Variants in CADPS observed in about 807,000 individuals in gnomAD.
CADPS encodes the protein calcium dependent secretion activator, also known as calcium-dependent secretion activator 1.
Under a neutral mutation model 167.3 loss-of-function variants are expected in CADPS, and 57 were observed. The ratio of observed to expected loss-of-function variants is 0.34; its 90% CI spans 0.28 to 0.42. The LOEUF (loss-of-function observed/expected upper bound fraction) is 0.42. Among genes scored for constraint, CADPS ranks in the 20% least tolerant of loss-of-function variants. The pLI, the probability that CADPS is intolerant of heterozygous loss-of-function variation, is 1.00. For synonymous variants in CADPS, 676 were observed against 635.3 expected (o/e 1.06, Z -0.96); for missense variants, 1,414 against 1,738.1 (o/e 0.81, Z 3.32).
intron 6 of CADPS, among the ~76,000 whole-genome samples, chr3:62,630,168 T>A (rs2065017278): frequency 6.6e-6 from 1 of 152,194 alleles, no homozygotes; most frequent in Non-Finnish European, 1.5e-5. Flanking sequence ...ATACATATTT[T>A]TTTGTAAGCA....
At chr3:62,811,292 T>C (rs1323515003) in intron 1 of CADPS, among the ~76,000 whole-genome samples, 2 of 147,280 alleles carry the variant, frequency 1.4e-5, no homozygotes, top group African/African-American at 5.0e-5. Flanking sequence ...GCCAATCTTA[T>C]AAAAAAAAAA....
At chr3:62,758,088 A>T (rs546465449) in intron 2 of CADPS, among the ~76,000 whole-genome samples, 19 of 152,332 alleles carry the variant, frequency 1.2e-4, no homozygotes, top group African/African-American at 4.6e-4. Flanking sequence ...TGGGCATAGC[A>T]TCTGCTTCAC....
chr3:62,478,712 C>T lies in CADPS; in HGVS notation c.3174-296G>A, dbSNP rs2061612173. Among the ~76,000 whole-genome samples, 1 of 152,112 alleles carries T rather than the reference C, an allele frequency of 6.6e-6. No individual in the cohort carries two copies. Among genetic ancestry groups the T allele is most frequent in the South Asian group, 2.1e-4 (1 of 4,822 alleles). On this transcript the variant is annotated intron_variant, in intron 22 of 29. Transcript: ENST00000383710. The surrounding 1 kb of genome is among the most constrained non-coding windows in gnomAD (Gnocchi z 5.7). ...GTAAAAATCAGCCTTCTTTTAATAA[C>T]CACATTAACACATGTGATGATTCAG...
intron 26 of CADPS, among the ~76,000 whole-genome samples, chr3:62,456,690 T>C (rs1313049702): frequency 6.6e-6 from 1 of 151,616 alleles, no homozygotes; most frequent in Non-Finnish European, 1.5e-5. Flanking sequence ...GCACTTGGGA[T>C]ATACTCAGTG....
intron 9 of CADPS, among the ~76,000 whole-genome samples, chr3:62,567,971 T>C (rs151225146): frequency 1.3e-5 from 2 of 152,322 alleles, no homozygotes; most frequent in East Asian, 3.9e-4. Flanking sequence ...CCATTTCTCC[T>C]TCTGGTAATG....
At chr3:62,581,281 C>T (rs1370530969) in intron 8 of CADPS, among the ~76,000 whole-genome samples, 1 of 152,008 alleles carries the variant, frequency 6.6e-6, no homozygotes, top group Non-Finnish European at 1.5e-5. Flanking sequence ...GCTGGCATTC[C>T]CATTTTCTGA....
Position 62,873,617 on chromosome 3 carries a change from C to T in CADPS, c.441+972G>A, listed in dbSNP as rs1051561886. 9.1e-5 allele frequency among the ~76,000 whole-genome samples: 12 copies of T among 132,300 alleles called. No individual in the cohort carries two copies. The East Asian group carries it at 2.1e-3, about 24-fold the overall frequency. 86.8% of individuals were successfully genotyped at this position (132,300 alleles called of 152,430 possible). ...AAGAACAGCTGATAGAAATAGGCGCCTTTTTTTTTTTTTTTTTAACATCAA... is the reference window on the plus strand; with the variant it reads ...AAGAACAGCTGATAGAAATAGGCGCTTTTTTTTTTTTTTTTTTAACATCAA... On this transcript the variant is annotated intron_variant, in intron 1 of 29. Coordinates refer to ENST00000383710, the MANE Select transcript of CADPS (RefSeq NM_003716.4).
chr3:62,604,619 A>G (rs2060439287), intron 6 of CADPS, among the ~76,000 whole-genome samples: 1 of 152,266 alleles, frequency 6.6e-6, no homozygotes, highest in Non-Finnish European at 1.5e-5. Flanking sequence ...AGGCTAAATT[A>G]GAGAGATCAC....
In CADPS at chr3:62,874,152, C is replaced by T. The variant is rs1479266319; in HGVS notation, c.441+437G>A. Among the ~76,000 whole-genome samples, 1 of 152,156 alleles carries T rather than the reference C, an allele frequency of 6.6e-6. No individual in the cohort carries two copies. ...GCCCCCACCTGCCGTTGCCCCCGCC[C>T]GCCGAACGCACGCCCAGGAGGGCGG... is the stretch of plus-strand genomic sequence containing the variant. On this transcript the variant is annotated intron_variant, in intron 1 of 29. Transcript: ENST00000383710. This position sits in a 1 kb window ranked among gnomAD's most constrained non-coding sequence, Gnocchi z 7.1.
Position 62,858,062 on chromosome 3 carries a change from A to C in CADPS, c.441+16527T>G, listed in dbSNP as rs200988284. Among the ~76,000 whole-genome samples the C allele has an allele frequency of 3.3e-5, 5 of 152,318 alleles. No homozygotes were observed. The East Asian group carries it at 9.6e-4, about 29-fold the overall frequency. ...AAATCCCAGAATTCCTGTTCTAAAG[A>C]GAAATACAGCAGGAGGTCAACAAAT... On this transcript the variant is annotated intron_variant, in intron 1 of 29. Coordinates refer to ENST00000383710, the MANE Select transcript of CADPS (RefSeq NM_003716.4).
chr3:62,721,140 A>ATTTTTTTTTTTTTTT lies in CADPS; in HGVS notation c.888+32300_888+32301insAAAAAAAAAAAAAAA, dbSNP rs1564299964. Among the ~76,000 whole-genome samples, 197 of 77,532 alleles carry ATTTTTTTTTTTTTTT rather than the reference A, an allele frequency of 2.5e-3. 3 individuals carry two copies. The highest frequency in any genetic ancestry group is 0.014 in the South Asian group (28 of 2,054). The allele number at this position is 77,532 out of a possible 152,430, so 50.9% of individuals were successfully genotyped here. ...CAGGTTTTTTTTTTTTTTTTAAAAAAAAAAAGAAGAAAAAAGAAAAAGTAA... is the reference window on the plus strand; with the variant it reads ...CAGGTTTTTTTTTTTTTTTTAAAAAATTTTTTTTTTTTTTTAAAAAGAAGAAAAAAGAAAAAGTAA... On this transcript the variant is annotated intron_variant, in intron 3 of 29. Coordinates refer to ENST00000383710, the MANE Select transcript of CADPS (RefSeq NM_003716.4).
intron 11 of CADPS, among the ~76,000 whole-genome samples, chr3:62,539,380 A>G (rs939913121): frequency 1.3e-5 from 2 of 152,120 alleles, no homozygotes; most frequent in African/African-American, 4.8e-5. Flanking sequence ...TCTGGATTTT[A>G]CTTGCCCCAA....
chr3:62,844,410 T>G (rs1447975913), intron 1 of CADPS, among the ~76,000 whole-genome samples: 1 of 152,202 alleles, frequency 6.6e-6, no homozygotes, highest in East Asian at 1.9e-4. Context: ...CATAATTGCC[T>G]GTTCCCATGG....
intron 24 of CADPS, among the ~76,000 whole-genome samples, chr3:62,468,624 TATG>T (rs1490954421): frequency 2.0e-5 from 3 of 152,132 alleles, no homozygotes; most frequent in Non-Finnish European, 4.4e-5. Flanking sequence ...CTTATGGAAA[TATG>T]ATGATTTATG....
chr3:62,457,769 G>C (rs938430765), intron 26 of CADPS, among the ~76,000 whole-genome samples: 3 of 152,186 alleles, frequency 2.0e-5, no homozygotes, highest in Admixed American at 6.5e-5. Flanking sequence ...AAAAGGATGA[G>C]TTCATGTCCT....
intron 17 of CADPS, among the ~76,000 whole-genome samples, chr3:62,509,945 T>A (rs369467774): frequency 3.3e-5 from 5 of 152,164 alleles, no homozygotes; most frequent in African/African-American, 1.2e-4. Flanking sequence ...TTATCCTCAC[T>A]GAATCACAGC....
chr3:62,747,124 A>C (rs580358), intron 3 of CADPS, among the ~76,000 whole-genome samples: 106,540 of 152,246 alleles, frequency 0.7, 37,801 homozygotes, highest in East Asian at 0.9. Context: ...GCCTAGTGCA[A>C]AGTAGATGCT....
chr3:62,509,242 T>G (rs2067254702), intron 17 of CADPS, among the ~76,000 whole-genome samples: 1 of 145,216 alleles, frequency 6.9e-6, no homozygotes. Flanking sequence ...AAGTAGATGT[T>G]GTGGTGAGCC....
chr3:62,483,272 C>G (rs2062275269), intron 21 of CADPS, among the ~76,000 whole-genome samples: 2 of 143,202 alleles, frequency 1.4e-5, no homozygotes, highest in Admixed American at 1.5e-4. Flanking sequence ...CCTGCAAGAG[C>G]TGGAGCTGCC....
Sources: allele counts gnomAD v4.1 joint callset (sites outside exome capture counted in the v4.1 genomes callset), GRCh38; gene constraint gnomAD v4.1.1; non-coding constraint Gnocchi (gnomAD v3.1); transcripts MANE v1.5; gene names NCBI Gene and HGNC (gene_info 2026-07-23, HGNC 2026-07-21).